KDM3A: variants seen among roughly 807,000 people sequenced by gnomAD.
The protein encoded by KDM3A is lysine-specific demethylase 3A.
Under a neutral mutation model 158.0 loss-of-function variants are expected in KDM3A, and 60 were observed. The ratio of observed to expected loss-of-function variants is 0.38; its 90% CI spans 0.31 to 0.47. The LOEUF is 0.47. KDM3A is among the 20% of genes least tolerant of loss of function. KDM3A has a pLI of 0.99. For synonymous variants in KDM3A, 608 were observed against 549.3 expected (o/e 1.11, Z -1.49); for missense variants, 1,319 against 1,574.3 (o/e 0.84, Z 2.74).
At chr2:86,457,430 C>A (rs1437848721) in intron 8 of KDM3A, among the ~76,000 whole-genome samples, 1 of 152,170 alleles carries the variant, frequency 6.6e-6, no homozygotes, top group East Asian at 1.9e-4. Flanking sequence ...TGAGCTACTG[C>A]CCCTGGCTGC....
chr2:86,456,825 T>C lies in KDM3A; in HGVS notation c.702T>C (p.Val234=). 6.2e-7 allele frequency: 1 copy of C among 1,612,326 alleles called. No homozygotes were observed. The highest frequency in any genetic ancestry group is 8.5e-7 in the Non-Finnish European group (1 of 1,178,624). ...TTAAGATTCCAGCACTGAAAATTGT[T>C]GATCCGTCACTGATTCATGTTGAAG... is the stretch of plus-strand genomic sequence containing the variant. ...NCEEIPALKI[V]DPSLIHVEVV... is the part of the protein sequence containing the mutation. Residue 234 remains valine (V), a synonymous_variant, in exon 7 of 26, where the codon GTT becomes GTC. Transcript: ENST00000312912.
intron 12 of KDM3A, 136 bp downstream of exon 12, chr2:86,475,126 T>C: frequency 1.4e-6 from 1 of 711,928 alleles, no homozygotes; most frequent in East Asian, 2.6e-5. Flanking sequence ...GGTTGCATTT[T>C]TCCTTTTGCA....
chr2:86,455,953 CAAAA>C (rs574299612), intron 5 of KDM3A, among the ~76,000 whole-genome samples: 19 of 56,190 alleles, frequency 3.4e-4, no homozygotes, highest in Non-Finnish European at 5.9e-4. Flanking sequence ...GACCCTGTCT[CAAAA>C]AAAAAAAAAA....
In KDM3A at chr2:86,484,247, C is replaced by T. The variant is rs539937400; in HGVS notation, c.3094+89C>T. The stretch of plus-strand genomic sequence containing the variant: ...GAGTCTGAGACCCATCAGTGGCAGC[C>T]GCAGCATTTTCCAGGATTTTGGAGT... On this transcript the variant is annotated intron_variant, in intron 19 of 25. Transcript: ENST00000312912. The T allele has an allele frequency of 4.1e-4, 464 of 1,137,922 alleles. 1 individual carries two copies. The highest frequency in any genetic ancestry group is 5.4e-4 in the Non-Finnish European group (431 of 796,852). The allele number at this position is 1,137,922 out of a possible 1,614,324, so 70.5% of individuals were successfully genotyped here. A position where few individuals can be genotyped will look rare whatever the true frequency, so the allele number is the denominator to read the frequency against.
chr2:86,458,266 TTCCTGTA>T (rs886974379), intron 8 of KDM3A, among the ~76,000 whole-genome samples: 1 of 152,166 alleles, frequency 6.6e-6, no homozygotes, highest in African/African-American at 2.4e-5. Flanking sequence ...TCTTGAATCT[TTCCTGTA>T]TACAGGCAAC....
intron 16 of KDM3A, 108 bp downstream of exon 16, chr2:86,480,470 G>T: frequency 1.1e-6 from 1 of 924,570 alleles, no homozygotes. Context: ...GTGCTTCTCT[G>T]GAGTCATCCT....
At chr2:86,453,457 G>A (rs944530115) in intron 4 of KDM3A, among the ~76,000 whole-genome samples, 3 of 152,142 alleles carry the variant, frequency 2.0e-5, no homozygotes, top group South Asian at 2.1e-4. Flanking sequence ...GTTAGGGTCC[G>A]TCTTTAGATT....
chr2:86,475,005 TA>T lies in KDM3A; in HGVS notation c.1939+16del. ...TGAGCCACACAGTAAGAGCATCTCT[TA>T]GGGGGTAGGATTTTCGAGCCCAATT... On this transcript the variant is annotated intron_variant, in intron 12 of 25. Transcript: ENST00000312912. The T allele has an allele frequency of 1.3e-6, 2 of 1,597,982 alleles. No homozygotes were observed. The highest frequency in any genetic ancestry group is 8.6e-7 in the Non-Finnish European group (1 of 1,167,074).
In KDM3A at chr2:86,482,438, T is replaced by C; in HGVS notation, c.2686-20T>C. On this transcript the variant is annotated intron_variant, in intron 17 of 25. Coordinates refer to ENST00000312912, the MANE Select transcript of KDM3A (RefSeq NM_018433.6). The stretch of plus-strand genomic sequence containing the variant: ...TAAGGGAATGACATATTTGAGACTT[T>C]TGTTCTTTCTCCAATTCAGACAGAA... The C allele has an allele frequency of 2.5e-6, 4 of 1,610,202 alleles. No individual in the cohort carries two copies. The highest frequency in any genetic ancestry group is 1.7e-5 in the Admixed American group (1 of 59,140).
chr2:86,476,371 GCA>G (rs1384446390), intron 12 of KDM3A, among the ~76,000 whole-genome samples: 4 of 147,262 alleles, frequency 2.7e-5, no homozygotes, highest in African/African-American at 2.6e-5. Flanking sequence ...ATAGAAAAAG[GCA>G]CAGTTATCTT....
At chr2:86,439,966 CAACT>C (rs1354883394), upstream of KDM3A, among the ~76,000 whole-genome samples, 5 of 152,104 alleles carry the variant, frequency 3.3e-5, no homozygotes, top group African/African-American at 9.7e-5. Flanking sequence ...CTTTTATTCC[CAACT>C]GTCTTTTAAA....
At chr2:86,449,724 G>A (rs1402480295) in intron 2 of KDM3A, 83 bp from the exon 3 acceptor site, 1 of 1,396,682 alleles carries the variant, frequency 7.2e-7, no homozygotes, top group African/African-American at 1.5e-5. Context: ...GAATAATGAA[G>A]GTATAGTTCA....
chr2:86,470,103 C>A, intron 10 of KDM3A, 101 bp from the exon 11 acceptor site: 2 of 899,838 alleles, frequency 2.2e-6, no homozygotes, highest in South Asian at 1.6e-5. Flanking sequence ...GAAGGGAGTT[C>A]TCTTTAAGGG....
At chr2:86,471,277 GTGTGTATA>G (rs996532987) in intron 11 of KDM3A, among the ~76,000 whole-genome samples, 28 of 133,622 alleles carry the variant, frequency 2.1e-4, no homozygotes, top group African/African-American at 9.6e-4. Context: ...GTGTATATAT[GTGTGTATA>G]TATGTATATA....
chr2:86,442,311 G>C, intron 2 of KDM3A, 78 bp downstream of exon 2: 5 of 1,377,336 alleles, frequency 3.6e-6, no homozygotes, highest in African/African-American at 1.5e-5. Context: ...CCCTCCTTCC[G>C]TTTTCTGAAA....
Position 86,480,326 on chromosome 2 carries a change from G to A in KDM3A, c.2476G>A (p.Asp826Asn), listed in dbSNP as rs145200665. 2.9e-4 allele frequency: 460 copies of A among 1,613,546 alleles called. 1 individual carries two copies. The East Asian group carries it at 3.2e-3, about 11-fold the overall frequency. ...CACATCTCCTCTAAACTGGCTGGCCGACCTAACCAGCGGGAATGTCAACAA... is the reference window on the plus strand; with the variant it reads ...CACATCTCCTCTAAACTGGCTGGCCAACCTAACCAGCGGGAATGTCAACAA... ...ASTSPLNWLA[D>N]LTSGNVNKEN... is the part of the protein sequence containing the mutation. Residue 826 changes from aspartate to asparagine, a missense_variant, in exon 16 of 26, where the codon GAC (aspartate) becomes AAC (asparagine). By Grantham distance (23) the Asp-to-Asn change is conservative. Around this residue, in one of 4 missense-constraint regions of KDM3A, gnomAD observed 368 missense variants for 415.8 expected, o/e 0.89. Transcript: ENST00000312912.
At position 86,460,275 on chromosome 2, in the gene KDM3A, C is replaced by G. The variant is rs372547359; in HGVS notation, c.843+3204C>G. Among the ~76,000 whole-genome samples, 18 of 152,186 alleles carry G rather than the reference C, an allele frequency of 1.2e-4. No homozygotes were observed. The South Asian group carries it at 2.5e-3, about 21-fold the overall frequency. On this transcript the variant is annotated intron_variant, in intron 8 of 25. Coordinates refer to ENST00000312912, the MANE Select transcript of KDM3A (RefSeq NM_018433.6). ...CCATACTCTTGTAGCCTCCTTGATT[C>G]CCTTGCAATGTATTATAACTATTAT...
At chr2:86,450,625 G>A (rs543341636) in intron 3 of KDM3A, among the ~76,000 whole-genome samples, 1 of 152,332 alleles carries the variant, frequency 6.6e-6, no homozygotes, top group South Asian at 2.1e-4. Flanking sequence ...GTTGGATCTG[G>A]ATAGTTTGGA....
chr2:86,452,415 T>G (rs1466846506), intron 4 of KDM3A, among the ~76,000 whole-genome samples: 1 of 152,130 alleles, frequency 6.6e-6, no homozygotes, highest in African/African-American at 2.4e-5. Flanking sequence ...ATGTGTCAAT[T>G]GGTTGTTGAA....
Sources: gnomAD v4.1 joint callset for allele counts (sites outside exome capture counted in the v4.1 genomes callset) on GRCh38, gnomAD v4.1.1 for gene constraint, gnomAD v4.1.1 regional missense constraint, MANE v1.5 for transcripts, NCBI Gene and HGNC (gene_info 2026-07-23, HGNC 2026-07-21) for gene names.